The following FHIT variants were observed in gnomAD, a reference collection of about 807,000 sequenced individuals.
FHIT encodes bis(5'-adenosyl)-triphosphatase.
A neutral mutation model predicts 17.9 loss-of-function variants in FHIT; 19 were observed. The ratio of observed to expected loss-of-function variants is 1.06; its 90% CI spans 0.74 to 1.56. FHIT has a LOEUF of 1.56. FHIT is among the 40% of genes most tolerant of loss of function. The pLI, the probability that FHIT is intolerant of heterozygous loss-of-function variation, is 0.00. For missense variants in FHIT, 248 were observed against 189.2 expected (o/e 1.31, Z -1.82); for synonymous variants, 81 against 69.7 (o/e 1.16, Z -0.81).
intron 5 of FHIT, among the ~76,000 whole-genome samples, chr3:60,162,760 G>A (rs1187869844): frequency 2.0e-5 from 3 of 152,076 alleles, no homozygotes; most frequent in Non-Finnish European, 2.9e-5. Context: ...TAGTCACTAC[G>A]CTATACTCCT....
At chr3:60,774,068 C>T (rs1490649142) in intron 4 of FHIT, among the ~76,000 whole-genome samples, 1 of 152,260 alleles carries the variant, frequency 6.6e-6, no homozygotes, top group South Asian at 2.1e-4. Flanking sequence ...AAATTATCTT[C>T]ATGATGACAT....
intron 7 of FHIT, among the ~76,000 whole-genome samples, chr3:59,954,107 C>T (rs2107318391): frequency 6.6e-6 from 1 of 152,110 alleles, no homozygotes; most frequent in African/African-American, 2.4e-5. Context: ...GGGAGAAAAC[C>T]AACACTGGAA....
intron 8 of FHIT, among the ~76,000 whole-genome samples, chr3:59,906,693 CA>C (rs1210877325): frequency 2.6e-5 from 4 of 152,096 alleles, no homozygotes; most frequent in African/African-American, 9.7e-5. Flanking sequence ...AAAAAATTTC[CA>C]AAGATATTAG....
intron 2 of FHIT, among the ~76,000 whole-genome samples, chr3:61,068,142 C>A (rs560034858): frequency 4.6e-5 from 7 of 152,286 alleles, no homozygotes; most frequent in African/African-American, 1.7e-4. Context: ...TTTACACAAA[C>A]TTTGGGCTTA....
At chr3:61,134,371 T>C (rs367798922) in intron 2 of FHIT, among the ~76,000 whole-genome samples, 8 of 152,244 alleles carry the variant, frequency 5.3e-5, no homozygotes, top group African/African-American at 1.9e-4. Flanking sequence ...ATTCATTCAA[T>C]AAGTATTTGT....
chr3:61,106,395 T>C (rs370751457), intron 2 of FHIT, among the ~76,000 whole-genome samples: 6 of 152,274 alleles, frequency 3.9e-5, no homozygotes, highest in African/African-American at 1.2e-4. Context: ...TGCTATAAAA[T>C]AGATCTCCAG....
chr3:60,461,906 GC>G (rs1029175982), intron 5 of FHIT, among the ~76,000 whole-genome samples: 1 of 152,060 alleles, frequency 6.6e-6, no homozygotes, highest in Non-Finnish European at 1.5e-5. Context: ...GGGAACCCCC[GC>G]CCCCCTTTAA....
At chr3:60,030,372 C>T (rs1043971728) in intron 5 of FHIT, among the ~76,000 whole-genome samples, 5 of 152,074 alleles carry the variant, frequency 3.3e-5, no homozygotes, top group Admixed American at 6.6e-5. Context: ...CATTATCTGC[C>T]GCTGGTCCAG....
intron 5 of FHIT, among the ~76,000 whole-genome samples, chr3:60,207,758 T>C (rs956322556): frequency 3.3e-5 from 5 of 152,202 alleles, no homozygotes; most frequent in African/African-American, 4.8e-5. Flanking sequence ...TTTTAGGGCA[T>C]TGTCATGAGA....
chr3:59,821,072 A>ATT (rs916711281), intron 8 of FHIT, among the ~76,000 whole-genome samples: 34 of 152,278 alleles, frequency 2.2e-4, no homozygotes, highest in African/African-American at 7.7e-4. Flanking sequence ...TGAGTCTAAT[A>ATT]TTCAGGAGAG....
At chr3:60,668,097 T>C (rs1346355663) in intron 4 of FHIT, among the ~76,000 whole-genome samples, 1 of 152,002 alleles carries the variant, frequency 6.6e-6, no homozygotes, top group Non-Finnish European at 1.5e-5. Context: ...GGTTATGTCT[T>C]CTTGCCCCAG....
chr3:60,230,887 TTTTA>T (rs1704462874), intron 5 of FHIT, among the ~76,000 whole-genome samples: 1 of 152,196 alleles, frequency 6.6e-6, no homozygotes, highest in South Asian at 2.1e-4. Context: ...ATTTTTGTAT[TTTTA>T]GTAGATACGA....
chr3:59,946,571 G>A (rs1324971907), intron 7 of FHIT, among the ~76,000 whole-genome samples: 1 of 152,186 alleles, frequency 6.6e-6, no homozygotes, highest in South Asian at 2.1e-4. Flanking sequence ...AAGGAGTGGT[G>A]AGAGTGGGCA....
intron 8 of FHIT, among the ~76,000 whole-genome samples, chr3:59,851,230 G>T (rs1341105870): frequency 1.3e-5 from 2 of 152,070 alleles, no homozygotes; most frequent in African/African-American, 4.8e-5. Flanking sequence ...GCTCAAAAAC[G>T]ATCAGAGCTC....
At chr3:60,275,807 C>T (rs1013260535) in intron 5 of FHIT, among the ~76,000 whole-genome samples, 9 of 152,080 alleles carry the variant, frequency 5.9e-5, no homozygotes, top group Admixed American at 2.0e-4. Flanking sequence ...TGTGGTCTTT[C>T]GGCATCAGTC....
chr3:59,892,673 A>C (rs1260940320), intron 8 of FHIT, among the ~76,000 whole-genome samples: 1 of 152,208 alleles, frequency 6.6e-6, no homozygotes, highest in South Asian at 2.1e-4. Context: ...GGTGGGGGAT[A>C]TGTTTAATCA....
intron 7 of FHIT, among the ~76,000 whole-genome samples, chr3:59,924,777 A>G (rs958286434): frequency 3.3e-5 from 5 of 152,216 alleles, no homozygotes; most frequent in Non-Finnish European, 5.9e-5. Context: ...TTGACTAGCC[A>G]TTCTCAATCT....
intron 2 of FHIT, among the ~76,000 whole-genome samples, chr3:61,043,564 G>A (rs2033634934): frequency 6.6e-6 from 1 of 152,226 alleles, no homozygotes; most frequent in South Asian, 2.1e-4. Context: ...GGGCACAGCT[G>A]AACAAAAGGC....
At chr3:60,750,284 G>A (rs2108029498) in intron 4 of FHIT, among the ~76,000 whole-genome samples, 1 of 152,136 alleles carries the variant, frequency 6.6e-6, no homozygotes, top group South Asian at 2.1e-4. Flanking sequence ...TAAAATCAAG[G>A]CCCCCATATT....
Sources: gnomAD v4.1 joint callset for allele counts (sites outside exome capture counted in the v4.1 genomes callset) on GRCh38, gnomAD v4.1.1 for gene constraint, MANE v1.5 for transcripts, NCBI Gene and HGNC (gene_info 2026-07-23, HGNC 2026-07-21) for gene names.